Variants in METTL25 observed in about 807,000 individuals in gnomAD.
The protein encoded by METTL25 is probable methyltransferase-like protein 25.
Under a neutral mutation model 71.6 loss-of-function variants are expected in METTL25, and 64 were observed. That is an observed-to-expected ratio of 0.89 (90% confidence interval 0.73 to 1.10). METTL25 has a LOEUF of 1.10. METTL25 is among the 50% of genes least tolerant of loss of function. METTL25 has a pLI of 0.00. For synonymous variants in METTL25, 287 were observed against 250.3 expected (o/e 1.15, Z -1.38); for missense variants, 807 against 707.0 (o/e 1.14, Z -1.60).
intron 1 of METTL25, among the ~76,000 whole-genome samples, chr12:82,361,289 A>G (rs977920276): frequency 2.0e-5 from 3 of 152,252 alleles, no homozygotes; most frequent in South Asian, 4.1e-4. Flanking sequence ...TGTATTTACA[A>G]TCCCTTAGCT....
In METTL25 at chr12:82,388,896, CTACCTTCCATCTACAGGACCA is replaced by C. The variant is rs563293998; in HGVS notation, c.425-918_425-898del. 1.4e-4 allele frequency: 22 copies of C among 152,190 alleles called. No homozygotes were observed. The East Asian group carries it at 3.1e-3, about 21-fold the overall frequency. The allele number at this position is 152,190 out of a possible 1,614,324, so 9.4% of individuals were successfully genotyped here. On this transcript the variant is annotated intron_variant, in intron 2 of 11. Transcript: ENST00000248306. ...CCCTCAGAATGTTACCAAGAAGGTGCTACCTTCCATCTACAGGACCATGAGTAACCAGCACTTAACACCTGG... is the reference window on the plus strand; with the variant it reads ...CCCTCAGAATGTTACCAAGAAGGTGCTGAGTAACCAGCACTTAACACCTGG...
chr12:82,377,962 A>G (rs952256609), intron 1 of METTL25, among the ~76,000 whole-genome samples: 7 of 152,152 alleles, frequency 4.6e-5, no homozygotes, highest in African/African-American at 1.4e-4. Context: ...TAGTATTACA[A>G]TTGTTTGAAT....
intron 3 of METTL25, among the ~76,000 whole-genome samples, chr12:82,390,717 G>C (rs1885489951): frequency 6.6e-6 from 1 of 152,024 alleles, no homozygotes; most frequent in African/African-American, 2.4e-5. Context: ...TCTAGGGTGG[G>C]TATAGAGTAA....
intron 5 of METTL25, among the ~76,000 whole-genome samples, chr12:82,422,998 T>C (rs1888661539): frequency 6.6e-6 from 1 of 152,104 alleles, no homozygotes; most frequent in African/African-American, 2.4e-5. Context: ...TTCATTGCCA[T>C]CCCCATCAAA....
Position 82,386,822 on chromosome 12 carries a change from A to G in METTL25, c.279A>G (p.Lys93=), listed in dbSNP as rs143944821. 89 of 1,612,828 alleles carry G rather than the reference A, an allele frequency of 5.5e-5. No homozygotes were observed. Among genetic ancestry groups the G allele is most frequent in the Middle Eastern group, 1.7e-4 (1 of 6,052 alleles). Residue 93 remains lysine (K), a synonymous_variant, in exon 2 of 12, where the codon AAA becomes AAG. Coordinates refer to ENST00000248306, the MANE Select transcript of METTL25 (RefSeq NM_032230.3). ...TTTTAGGTATGACTGATTTTCCCAAAATATTTTGTGAAACTTCTCAGAAGT... is the reference window on the plus strand; with the variant it reads ...TTTTAGGTATGACTGATTTTCCCAAGATATTTTGTGAAACTTCTCAGAAGT... ...EWEAGMTDFP[K]IFCETSQKLV...
chr12:82,478,962 T>C lies in METTL25; in HGVS notation c.1750T>C (p.Leu584=), dbSNP rs1893043588. ...TATTGCATGGTCTGCTCTTGTGAAGTTGTTTGATCCCGTGAAATCTCCCAG... is the reference window on the plus strand; with the variant it reads ...TATTGCATGGTCTGCTCTTGTGAAGCTGTTTGATCCCGTGAAATCTCCCAG... The part of the protein sequence containing the change: ...EDIAWSALVK[L]FDPVKSPRCY... The change falls in exon 12 of 12, where the codon TTG becomes CTG. Residue 584 remains leucine, a synonymous_variant. Transcript: ENST00000248306. 1 of 1,612,764 alleles carries C rather than the reference T, an allele frequency of 6.2e-7. No individual in the cohort carries two copies. Among genetic ancestry groups the C allele is most frequent in the South Asian group, 1.1e-5 (1 of 91,022 alleles).
chr12:82,456,557 A>C lies in METTL25; in HGVS notation c.1479-170A>C, dbSNP rs545468404. ...ATTGTCAGAAGCAGATCCTGAATACATTATAACATGTAACTTTAAAATGTC... is the reference window on the plus strand; with the variant it reads ...ATTGTCAGAAGCAGATCCTGAATACCTTATAACATGTAACTTTAAAATGTC... On this transcript the variant is annotated intron_variant, in intron 8 of 11. Coordinates refer to ENST00000248306, the MANE Select transcript of METTL25 (RefSeq NM_032230.3). 3.3e-5 allele frequency among the ~76,000 whole-genome samples: 5 copies of C among 152,114 alleles called. No homozygotes were observed. The East Asian group carries it at 9.6e-4, about 29-fold the overall frequency.
intron 5 of METTL25, among the ~76,000 whole-genome samples, chr12:82,405,237 C>G (rs561515319): frequency 2.0e-5 from 3 of 152,176 alleles, no homozygotes; most frequent in African/African-American, 7.2e-5. Context: ...CTCTCACACT[C>G]TTTTCTGCAC....
intron 5 of METTL25, among the ~76,000 whole-genome samples, chr12:82,419,577 G>C (rs1244298493): frequency 6.6e-6 from 1 of 151,814 alleles, no homozygotes; most frequent in Non-Finnish European, 1.5e-5. Flanking sequence ...CTTTAAAGAA[G>C]ATGTACAGAT....
intron 5 of METTL25, among the ~76,000 whole-genome samples, chr12:82,430,046 C>A (rs1188915949): frequency 2.7e-5 from 4 of 150,520 alleles, no homozygotes; most frequent in African/African-American, 4.9e-5. Context: ...TTACAAAGCA[C>A]CTTTTTGTTT....
intron 8 of METTL25, among the ~76,000 whole-genome samples, chr12:82,454,873 A>G (rs1376231844): frequency 6.6e-6 from 1 of 151,954 alleles, no homozygotes; most frequent in Non-Finnish European, 1.5e-5. Context: ...AAGCAATATT[A>G]ATGAAAGTAA....
Position 82,435,886 on chromosome 12 carries a change from G to T in METTL25, c.1404+1162G>T, listed in dbSNP as rs142513570. On this transcript the variant is annotated intron_variant, in intron 7 of 11. Transcript: ENST00000248306. ...AGAGCTTACCAAAGTACTATTTAAA[G>T]ATCTTCTCATCAATTGAGATAATAA... 9.8e-3 allele frequency among the ~76,000 whole-genome samples: 1,487 copies of T among 151,394 alleles called. 22 individuals carry two copies. The highest frequency in any genetic ancestry group is 0.034 in the African/African-American group (1,405 of 41,384).
At chr12:82,404,555 C>A (rs1019886360) in intron 5 of METTL25, among the ~76,000 whole-genome samples, 4 of 151,958 alleles carry the variant, frequency 2.6e-5, no homozygotes, top group African/African-American at 9.7e-5. Context: ...TAAGTGCTTC[C>A]TTTTGGGGTT....
At chr12:82,387,949 T>G (rs1328356208) in intron 2 of METTL25, among the ~76,000 whole-genome samples, 1 of 152,268 alleles carries the variant, frequency 6.6e-6, no homozygotes, top group East Asian at 1.9e-4. Context: ...TAGAGCCATT[T>G]TTTTTTCTTC....
chr12:82,461,263 T>G (rs1183363739), intron 9 of METTL25, among the ~76,000 whole-genome samples: 1 of 152,234 alleles, frequency 6.6e-6, no homozygotes, highest in Non-Finnish European at 1.5e-5. Context: ...GTTATATATT[T>G]ATTTTTTAGA....
intron 8 of METTL25, among the ~76,000 whole-genome samples, chr12:82,447,401 A>T (rs1275753174): frequency 6.6e-6 from 1 of 152,216 alleles, no homozygotes; most frequent in Non-Finnish European, 1.5e-5. Context: ...GAAGTATTTT[A>T]TATACCACAA....
At chr12:82,387,206 C>T (rs1330567618) in intron 2 of METTL25, among the ~76,000 whole-genome samples, 1 of 152,026 alleles carries the variant, frequency 6.6e-6, no homozygotes, top group African/African-American at 2.4e-5. Context: ...GTAACTTCTA[C>T]TGCAGATAGT....
rs1472123852 is a variant in METTL25 at position 82,399,349 on chromosome 12, T to TAAAA, written c.1087_1088insAAAA (p.Ile363LysfsTer5). The TAAAA allele has an allele frequency of 1.2e-6, 2 of 1,602,924 alleles. No individual in the cohort carries two copies. The highest frequency in any genetic ancestry group is 3.5e-5 in the Admixed American group (2 of 57,528). ...ATATATATTCACCTTTAACCTCTTT[T>TAAAA]ATCACTGCTGATTCAGAACTCCATG... On this transcript the variant is annotated frameshift_variant, in exon 4 of 12. Transcript: ENST00000248306. LOFTEE classifies it high-confidence loss of function.
At chr12:82,421,396 G>C (rs961084898) in intron 5 of METTL25, among the ~76,000 whole-genome samples, 1 of 152,114 alleles carries the variant, frequency 6.6e-6, no homozygotes, top group African/African-American at 2.4e-5. Flanking sequence ...AGAATTTTTT[G>C]ACTTGTGTAA....
Sources: gnomAD v4.1 joint callset for allele counts (sites outside exome capture counted in the v4.1 genomes callset) on GRCh38, gnomAD v4.1.1 for gene constraint, MANE v1.5 for transcripts, NCBI Gene and HGNC (gene_info 2026-07-23, HGNC 2026-07-21) for gene names.